Variants in NOL4 observed in about 807,000 individuals in gnomAD.
The protein encoded by NOL4 is cancer/testis antigen 125.
In NOL4, 17 loss-of-function variants were observed where a neutral mutation model predicts 75.9. The observed-to-expected ratio is 0.22, with a 90% CI of 0.15 to 0.34. NOL4 has a LOEUF of 0.34. Among genes scored for constraint, NOL4 ranks in the 10% least tolerant of loss-of-function variants. The pLI, the probability that NOL4 is intolerant of heterozygous loss-of-function variation, is 1.00. For synonymous variants in NOL4, 292 were observed against 289.9 expected (o/e 1.01, Z -0.07); for missense variants, 614 against 793.5 (o/e 0.77, Z 2.72).
At chr18:33,949,420 T>C (rs2069058030) in intron 8 of NOL4, among the ~76,000 whole-genome samples, 1 of 152,090 alleles carries the variant, frequency 6.6e-6, no homozygotes, top group Admixed American at 6.6e-5. Context: ...CAAAGTTCTT[T>C]CCTGGGAACT....
At chr18:34,117,909 T>G (rs150242230) in intron 2 of NOL4, among the ~76,000 whole-genome samples, 1 of 152,180 alleles carries the variant, frequency 6.6e-6, no homozygotes, top group Admixed American at 6.5e-5. Context: ...ACAATCACTT[T>G]ATAAAGCAAG....
intron 2 of NOL4, among the ~76,000 whole-genome samples, chr18:34,129,259 T>G (rs1331712797): frequency 2.6e-5 from 4 of 151,870 alleles, no homozygotes; most frequent in African/African-American, 9.7e-5. Flanking sequence ...TTTACAAAAT[T>G]TATGACAAAA....
chr18:33,861,327 A>G (rs996469961), intron 10 of NOL4, among the ~76,000 whole-genome samples: 11 of 152,176 alleles, frequency 7.2e-5, no homozygotes, highest in African/African-American at 2.7e-4. Context: ...TTATTGGTCT[A>G]TTCAGAGATT....
intron 9 of NOL4, among the ~76,000 whole-genome samples, chr18:33,941,113 G>C (rs571371042): frequency 6.6e-6 from 1 of 151,742 alleles, no homozygotes; most frequent in Non-Finnish European, 1.5e-5. Flanking sequence ...ACATATAAAC[G>C]TATGAAATAC....
At chr18:34,166,987 G>A (rs2032431742) in intron 1 of NOL4, among the ~76,000 whole-genome samples, 1 of 34,318 alleles carries the variant, frequency 2.9e-5, no homozygotes, top group Non-Finnish European at 6.0e-5. Context: ...GCAGTGAGCC[G>A]AGATTGTGCC....
At chr18:33,862,542 A>C (rs1012012109) in intron 10 of NOL4, among the ~76,000 whole-genome samples, 1 of 152,222 alleles carries the variant, frequency 6.6e-6, no homozygotes, top group Non-Finnish European at 1.5e-5. Context: ...GCTAATATCC[A>C]GAATCTACAA....
At chr18:33,855,746 G>C (rs1411147846) in intron 10 of NOL4, among the ~76,000 whole-genome samples, 1 of 151,962 alleles carries the variant, frequency 6.6e-6, no homozygotes, top group African/African-American at 2.4e-5. Flanking sequence ...TTCATTTTTT[G>C]AGGTTTGAGG....
chr18:34,064,356 T>C (rs2077181849), intron 5 of NOL4, among the ~76,000 whole-genome samples: 1 of 151,996 alleles, frequency 6.6e-6, no homozygotes, highest in African/African-American at 2.4e-5. Flanking sequence ...GTTGTACTCG[T>C]TGTATTGTCT....
chr18:33,878,581 A>G (rs2064070314), intron 10 of NOL4, among the ~76,000 whole-genome samples: 2 of 152,120 alleles, frequency 1.3e-5, no homozygotes. Context: ...TATATGAAAC[A>G]TACTTCCAGC....
At chr18:34,180,585 A>C (rs1352089814) in intron 1 of NOL4, among the ~76,000 whole-genome samples, 1 of 151,480 alleles carries the variant, frequency 6.6e-6, no homozygotes, top group East Asian at 1.9e-4. Context: ...TGTCACTTCT[A>C]TTCAACACTA....
At chr18:34,067,443 G>T (rs73416377) in intron 5 of NOL4, among the ~76,000 whole-genome samples, 22,983 of 152,032 alleles carry the variant, frequency 0.15, 1,907 homozygotes, top group Middle Eastern at 0.21. Flanking sequence ...AAGAATCATC[G>T]GGCTTAGAAT....
chr18:34,150,222 A>T (rs1359574775), intron 1 of NOL4, among the ~76,000 whole-genome samples: 1 of 151,732 alleles, frequency 6.6e-6, no homozygotes, highest in Non-Finnish European at 1.5e-5. Context: ...CATGAAGAAA[A>T]TGTTGAGAAT....
intron 9 of NOL4, among the ~76,000 whole-genome samples, chr18:33,910,793 G>A (rs535370560): frequency 6.6e-6 from 1 of 152,136 alleles, no homozygotes; most frequent in South Asian, 2.1e-4. Flanking sequence ...AGTATTCTGA[G>A]CCATTACTAC....
intron 9 of NOL4, among the ~76,000 whole-genome samples, chr18:33,934,148 T>C (rs1000330728): frequency 1.3e-5 from 2 of 150,606 alleles, no homozygotes; most frequent in Non-Finnish European, 3.0e-5. Context: ...TTGAAAGGAA[T>C]CTTTTTTTTT....
At chr18:34,214,991 C>T (rs1234233538) in intron 1 of NOL4, among the ~76,000 whole-genome samples, 1 of 152,030 alleles carries the variant, frequency 6.6e-6, no homozygotes, top group African/African-American at 2.4e-5. Flanking sequence ...ACTAAAATGG[C>T]ACTTCACCAA....
intron 5 of NOL4, among the ~76,000 whole-genome samples, chr18:34,053,544 C>A (rs2076711862): frequency 6.6e-6 from 1 of 151,960 alleles, no homozygotes. Flanking sequence ...GCCCCCTTAT[C>A]TGCTGGAAGA....
chr18:33,883,039 C>T (rs1160304445), intron 10 of NOL4, among the ~76,000 whole-genome samples: 1 of 151,884 alleles, frequency 6.6e-6, no homozygotes, highest in Non-Finnish European at 1.5e-5. Context: ...GGGAATATCA[C>T]ACTCTGGGGA....
chr18:34,183,168 T>C (rs2034178669), intron 1 of NOL4, among the ~76,000 whole-genome samples: 1 of 152,002 alleles, frequency 6.6e-6, no homozygotes, highest in East Asian at 1.9e-4. Flanking sequence ...ACAAAGGATT[T>C]GTATTTAGAA....
intron 9 of NOL4, among the ~76,000 whole-genome samples, chr18:33,902,936 T>C (rs1354602291): frequency 6.6e-6 from 1 of 152,208 alleles, no homozygotes; most frequent in African/African-American, 2.4e-5. Context: ...TTATCACATT[T>C]GGTTAAATGA....
Sources: allele counts gnomAD v4.1 joint callset (sites outside exome capture counted in the v4.1 genomes callset), GRCh38; gene constraint gnomAD v4.1.1; transcripts MANE v1.5; gene names NCBI Gene and HGNC (gene_info 2026-07-23, HGNC 2026-07-21).